The following NCKAP5 variants were observed in gnomAD, a reference collection of about 807,000 sequenced individuals.
The protein encoded by NCKAP5 is nck-associated protein 5.
NCKAP5 carries 92 observed loss-of-function variants against 167.0 expected under a neutral mutation model. That is an observed-to-expected ratio of 0.55 (90% confidence interval 0.47 to 0.66). The LOEUF is 0.66. NCKAP5 is among the 30% of genes least tolerant of loss of function. The pLI is 0.00. For missense variants in NCKAP5, 2,378 were observed against 2,315.0 expected (o/e 1.03, Z -0.56); for synonymous variants, 891 against 877.4 (o/e 1.02, Z -0.27).
At chr2:133,645,454 T>C in the NCKAP5 span, among the ~76,000 whole-genome samples, 1 of 152,132 alleles carries the variant, frequency 6.6e-6, no homozygotes, top group Non-Finnish European at 1.5e-5. Context: ...AATATTAAAA[T>C]ATAGATGTAC....
In NCKAP5 at chr2:133,481,094, T is replaced by C. The variant is rs115043098; in HGVS notation, c.69+36364A>G. On this transcript the variant is annotated intron_variant, in intron 3 of 19. Transcript: ENST00000409261. ...AAGAAAAGTTCTGTACACATACTAA[T>C]AAAAAAATCTCACTAAATGTCAGTG... Among the ~76,000 whole-genome samples the C allele has an allele frequency of 6.9e-3, 1,058 of 152,314 alleles. 7 individuals carry two copies. The highest frequency in any genetic ancestry group is 0.011 in the Non-Finnish European group (752 of 68,028).
intron 6 of NCKAP5, among the ~76,000 whole-genome samples, chr2:133,053,629 C>T (rs987365127): frequency 6.6e-6 from 1 of 152,188 alleles, no homozygotes; most frequent in Non-Finnish European, 1.5e-5. Context: ...CAGCACTAGT[C>T]TAATCTGTTT....
At chr2:132,851,854 A>G (rs1053121118) in intron 11 of NCKAP5, among the ~76,000 whole-genome samples, 5 of 152,200 alleles carry the variant, frequency 3.3e-5, no homozygotes, top group African/African-American at 1.2e-4. Flanking sequence ...CCCTCGTGGT[A>G]AGAGAGGTGA....
chr2:132,869,359 C>G (rs1005876476), intron 9 of NCKAP5, among the ~76,000 whole-genome samples: 5 of 152,144 alleles, frequency 3.3e-5, no homozygotes, highest in Admixed American at 6.5e-5. Context: ...TATCCTTTGC[C>G]TGTCCTTCCT....
chr2:133,248,159 C>A (rs1372876753), intron 4 of NCKAP5, among the ~76,000 whole-genome samples: 1 of 152,200 alleles, frequency 6.6e-6, no homozygotes, highest in Non-Finnish European at 1.5e-5. Flanking sequence ...ACACAACTTT[C>A]GTTGATTTCA....
intron 4 of NCKAP5, among the ~76,000 whole-genome samples, chr2:133,284,997 A>G (rs550400915): frequency 6.6e-6 from 1 of 152,282 alleles, no homozygotes; most frequent in East Asian, 1.9e-4. Context: ...GCCTAATTAC[A>G]TGTTCCTTTG....
intron 3 of NCKAP5, among the ~76,000 whole-genome samples, chr2:133,361,300 G>A: frequency 6.6e-6 from 1 of 152,144 alleles, no homozygotes; most frequent in East Asian, 1.9e-4. Flanking sequence ...GGAAAGGAGG[G>A]CAATTTGGAG....
At chr2:132,942,439 C>A (rs769968116) in intron 8 of NCKAP5, among the ~76,000 whole-genome samples, 2 of 152,132 alleles carry the variant, frequency 1.3e-5, no homozygotes, top group Non-Finnish European at 2.9e-5. Flanking sequence ...GGTCTAGCAA[C>A]CACAGTTCAA....
At chr2:133,600,363 G>A in the NCKAP5 span, among the ~76,000 whole-genome samples, 1 of 152,226 alleles carries the variant, frequency 6.6e-6, no homozygotes, top group Non-Finnish European at 1.5e-5. Flanking sequence ...AAAGGGACAG[G>A]AAGAAAGAGA....
chr2:132,849,901 T>C (rs904487378), intron 11 of NCKAP5, among the ~76,000 whole-genome samples: 1 of 152,136 alleles, frequency 6.6e-6, no homozygotes, highest in African/African-American at 2.4e-5. Flanking sequence ...CGGGTACATT[T>C]CCAATTTATT....
intron 3 of NCKAP5, among the ~76,000 whole-genome samples, chr2:133,384,777 G>A (rs931488096): frequency 6.6e-6 from 1 of 152,166 alleles, no homozygotes; most frequent in East Asian, 1.9e-4. Context: ...TCCCTTGTAA[G>A]TTGGATTCCT....
intron 2 of NCKAP5, among the ~76,000 whole-genome samples, chr2:133,529,991 G>A (rs1315288191): frequency 6.6e-6 from 1 of 152,062 alleles, no homozygotes; most frequent in Non-Finnish European, 1.5e-5. Context: ...GGTATAGAAT[G>A]TTATAATTAA....
chr2:132,720,860 A>G (rs1454947119), intron 19 of NCKAP5, among the ~76,000 whole-genome samples: 1 of 151,946 alleles, frequency 6.6e-6, no homozygotes, highest in East Asian at 1.9e-4. Flanking sequence ...AAAATACAAA[A>G]ATTAGCTGAG....
At chr2:133,268,925 T>A (rs1216089216) in intron 4 of NCKAP5, 1 of 152,206 alleles carries the variant, frequency 6.6e-6, no homozygotes, top group Non-Finnish European at 1.5e-5. Context: ...GAATGAAGTA[T>A]CATGCTGGTG....
chr2:133,388,513 G>A (rs995119056), intron 3 of NCKAP5, among the ~76,000 whole-genome samples: 13 of 152,196 alleles, frequency 8.5e-5, no homozygotes, highest in South Asian at 2.1e-4. Flanking sequence ...CAGTCTGTCC[G>A]TTCTCAGATC....
intron 2 of NCKAP5, among the ~76,000 whole-genome samples, chr2:133,534,659 G>T (rs573212761): frequency 6.6e-6 from 1 of 152,006 alleles, no homozygotes; most frequent in Non-Finnish European, 1.5e-5. Context: ...GCAGCACGTG[G>T]CAATGCTTCA....
At chr2:133,363,337 T>C (rs1179935857) in intron 3 of NCKAP5, among the ~76,000 whole-genome samples, 1 of 152,132 alleles carries the variant, frequency 6.6e-6, no homozygotes, top group Non-Finnish European at 1.5e-5. Flanking sequence ...TTTTTTTACC[T>C]ATTGTCTGTG....
chr2:133,002,201 AGTCTTCTTAGC>A (rs1472051202), intron 6 of NCKAP5, among the ~76,000 whole-genome samples: 4 of 152,164 alleles, frequency 2.6e-5, no homozygotes, highest in Non-Finnish European at 4.4e-5. Context: ...GTGATACAGT[AGTCTTCTTAGC>A]CATGGGGGAT....
chr2:132,992,014 C>T (rs556471193), intron 7 of NCKAP5, among the ~76,000 whole-genome samples: 2 of 152,328 alleles, frequency 1.3e-5, no homozygotes, highest in South Asian at 4.1e-4. Context: ...TCTCTTTTCT[C>T]GTTTCTTGAA....
Sources: gnomAD v4.1 joint callset for allele counts (sites outside exome capture counted in the v4.1 genomes callset) on GRCh38, gnomAD v4.1.1 for gene constraint, MANE v1.5 for transcripts, NCBI Gene and HGNC (gene_info 2026-07-23, HGNC 2026-07-21) for gene names.